Variants in WWOX observed in about 807,000 individuals in gnomAD.
WWOX encodes the protein WW domain containing oxidoreductase.
WWOX carries 69 observed loss-of-function variants against 46.2 expected under a neutral mutation model. The ratio of observed to expected loss-of-function variants is 1.49; its 90% confidence interval spans 1.23 to 1.82. WWOX has a LOEUF of 1.82. WWOX is among the 40% of genes most tolerant of loss of function. The pLI is 0.00. For synonymous variants in WWOX, 359 were observed against 202.6 expected, an observed-to-expected ratio of 1.77 and a Z score of -6.56; for missense variants, 919 against 542.6, an observed-to-expected ratio of 1.69 and a Z score of -6.89.
intron 8 of WWOX, among the ~76,000 whole-genome samples, chr16:78,843,879 G>A (rs1487387395): frequency 2.0e-5 from 3 of 152,042 alleles, no homozygotes; most frequent in African/African-American, 7.2e-5. Context: ...TCTCTGAAGC[G>A]CTGCATCCTT....
At chr16:78,595,708 G>C (rs1163815066) in intron 8 of WWOX, among the ~76,000 whole-genome samples, 1 of 152,098 alleles carries the variant, frequency 6.6e-6, no homozygotes, top group Non-Finnish European at 1.5e-5. Context: ...GCAGAAACCT[G>C]CACTCAGTAC....
chr16:78,776,160 G>C (rs1458475573), intron 8 of WWOX, among the ~76,000 whole-genome samples: 4 of 152,172 alleles, frequency 2.6e-5, no homozygotes, highest in African/African-American at 9.7e-5. Context: ...CTAAAAAAAT[G>C]ATTCTGCATT....
chr16:78,915,896 G>C (rs998427590), intron 8 of WWOX, among the ~76,000 whole-genome samples: 13 of 152,152 alleles, frequency 8.5e-5, no homozygotes, highest in African/African-American at 3.1e-4. Context: ...GAAGAAGCCT[G>C]AATTTTAATT....
chr16:79,052,130 C>T (rs922512120), intron 8 of WWOX, among the ~76,000 whole-genome samples: 1 of 151,764 alleles, frequency 6.6e-6, no homozygotes, highest in African/African-American at 2.4e-5. Context: ...TGCTGGTGCG[C>T]TGCACCCACT....
chr16:79,062,938 A>T (rs902049596), intron 8 of WWOX, among the ~76,000 whole-genome samples: 2 of 152,240 alleles, frequency 1.3e-5, no homozygotes, highest in Non-Finnish European at 2.9e-5. Flanking sequence ...CAAAAGGTCA[A>T]TTACCCACCC....
intron 8 of WWOX, among the ~76,000 whole-genome samples, chr16:78,996,539 C>T (rs2046993800): frequency 6.6e-6 from 1 of 152,086 alleles, no homozygotes; most frequent in African/African-American, 2.4e-5. Context: ...CCTTTCCATT[C>T]CTCCTAACTA....
intron 8 of WWOX, among the ~76,000 whole-genome samples, chr16:78,447,513 G>A (rs1358572944): frequency 6.6e-6 from 1 of 152,196 alleles, no homozygotes; most frequent in African/African-American, 2.4e-5. Context: ...TTTATCAGAG[G>A]TGAAAGTATA....
intron 5 of WWOX, among the ~76,000 whole-genome samples, chr16:78,365,553 C>T (rs369605606): frequency 1.3e-5 from 2 of 152,110 alleles, no homozygotes; most frequent in African/African-American, 2.4e-5. Context: ...TATGTGCTGT[C>T]CCCAGTAGGA....
intron 8 of WWOX, among the ~76,000 whole-genome samples, chr16:79,209,828 T>C (rs767119572): frequency 6.6e-5 from 10 of 152,314 alleles, no homozygotes; most frequent in Non-Finnish European, 1.5e-4. Flanking sequence ...TTTAGATAAA[T>C]GTGCCAGGTG....
At chr16:78,496,877 T>C (rs1283403328) in intron 8 of WWOX, among the ~76,000 whole-genome samples, 1 of 152,228 alleles carries the variant, frequency 6.6e-6, no homozygotes, top group Non-Finnish European at 1.5e-5. Context: ...AGGAGAGGAA[T>C]GAATGACTGT....
In WWOX at chr16:79,039,457, C is replaced by T. The variant is rs530463349; in HGVS notation, c.1057-172151C>T. The stretch of plus-strand genomic sequence containing the variant: ...AGGAGCAGCTTCCTCCTGGGCACAG[C>T]TGTGCAGAACCAGAGGCGACGCATT... On this transcript the variant is annotated intron_variant, in intron 8 of 8. Transcript: ENST00000566780. Among the ~76,000 whole-genome samples the T allele has an allele frequency of 2.6e-5, 4 of 152,136 alleles. 1 individual carries two copies. The highest frequency in any genetic ancestry group is 6.5e-5 in the Admixed American group (1 of 15,276).
intron 8 of WWOX, among the ~76,000 whole-genome samples, chr16:79,153,649 A>T (rs943225744): frequency 1.3e-5 from 2 of 152,188 alleles, no homozygotes; most frequent in African/African-American, 4.8e-5. Context: ...ATTAATCATA[A>T]ATTGGGGATC....
At chr16:78,136,501 A>G (rs1239052335) in intron 4 of WWOX, among the ~76,000 whole-genome samples, 3 of 152,146 alleles carry the variant, frequency 2.0e-5, no homozygotes, top group Non-Finnish European at 4.4e-5. Context: ...GCTCTTTCAA[A>G]TCTAGAGGAC....
chr16:78,809,312 GAAAA>G (rs371661365), intron 8 of WWOX, among the ~76,000 whole-genome samples: 2 of 73,898 alleles, frequency 2.7e-5, no homozygotes, highest in Non-Finnish European at 6.0e-5. Context: ...TAGAGATCTT[GAAAA>G]AAAAAAAAAA....
At chr16:79,038,164 C>A (rs1238548337) in intron 8 of WWOX, among the ~76,000 whole-genome samples, 2 of 152,234 alleles carry the variant, frequency 1.3e-5, no homozygotes, top group African/African-American at 4.8e-5. Context: ...GGGTGAGAGG[C>A]CACCTGCACA....
chr16:78,448,560 A>T (rs1375148468), intron 8 of WWOX, among the ~76,000 whole-genome samples: 2 of 152,096 alleles, frequency 1.3e-5, no homozygotes, highest in East Asian at 3.9e-4. Context: ...CACAAAACCG[A>T]AAGTAGTGTC....
chr16:78,100,822 C>G lies in WWOX; in HGVS notation c.107+937C>G, dbSNP rs148637044. Among the ~76,000 whole-genome samples the G allele has an allele frequency of 1.8e-3, 277 of 152,256 alleles. 1 individual carries two copies. The highest frequency in any genetic ancestry group is 3.0e-3 in the Non-Finnish European group (206 of 68,020). On this transcript the variant is annotated intron_variant, in intron 1 of 8. Transcript: ENST00000566780. ...TAAGATACGACAGTGCCTCTTATAT[C>G]GGCACCTTAGAATCACCTAGGAAAT...
At chr16:78,415,666 G>A (rs764956491) in intron 6 of WWOX, among the ~76,000 whole-genome samples, 34 of 152,240 alleles carry the variant, frequency 2.2e-4, no homozygotes, top group East Asian at 7.7e-4. Flanking sequence ...AAAGAGACGG[G>A]GTAGTCAGTG....
chr16:79,030,571 C>T (rs781096962), intron 8 of WWOX, among the ~76,000 whole-genome samples: 3 of 152,214 alleles, frequency 2.0e-5, no homozygotes, highest in Non-Finnish European at 2.9e-5. Flanking sequence ...CATATGAGGG[C>T]TGTCTTGGTC....
Sources: gnomAD v4.1 joint callset for allele counts (sites outside exome capture counted in the v4.1 genomes callset) on GRCh38, gnomAD v4.1.1 for gene constraint, MANE v1.5 for transcripts, NCBI Gene and HGNC (gene_info 2026-07-23, HGNC 2026-07-21) for gene names.